METTL15: variants seen among roughly 807,000 people sequenced by gnomAD.
The protein encoded by METTL15 is 12S rRNA N(4)-cytidine methyltransferase METTL15.
A neutral mutation model predicts 38.3 loss-of-function variants in METTL15; 34 were observed. The ratio of observed to expected loss-of-function variants is 0.89; its 90% CI spans 0.68 to 1.18. METTL15 has a LOEUF of 1.18. Among genes scored for constraint, METTL15 ranks in the 50% most tolerant of loss-of-function variants. The probability of loss-of-function intolerance (pLI) is 0.00; values close to 1 mark genes in which losing one functional copy is unlikely to be tolerated. For missense variants in METTL15, 438 were observed against 498.4 expected, an observed-to-expected ratio of 0.88 and a Z score of 1.15; for synonymous variants, 162 against 170.9, an observed-to-expected ratio of 0.95 and a Z score of 0.41.
chr11:28,391,491 G>A lies in METTL15; in HGVS notation c.*358+29455G>A, dbSNP rs1405709688. Among the ~76,000 whole-genome samples, 5 of 152,088 alleles carry A rather than the reference G, an allele frequency of 3.3e-5. No individual in the cohort carries two copies. In the East Asian group the frequency reaches 5.8e-4, roughly 18 times the overall value. On this transcript the variant is annotated intron_variant and NMD_transcript_variant, in intron 5 of 7. Transcript: ENST00000532947. Reference sequence around the variant, plus strand: ...TTTCTGCATCTATTGAGATAATCATGAGCCTACATTGCCAAGTCAATCCTA... The same window carrying A: ...TTTCTGCATCTATTGAGATAATCATAAGCCTACATTGCCAAGTCAATCCTA...
chr11:28,421,076 G>A (rs117751245), intron 5 of METTL15, among the ~76,000 whole-genome samples: 81 of 152,012 alleles, frequency 5.3e-4, no homozygotes, highest in Non-Finnish European at 9.7e-4. Context: ...GAGACTACTT[G>A]AGCAACTATA....
intron 5 of METTL15, among the ~76,000 whole-genome samples, chr11:28,295,153 G>T (rs1397252975): frequency 6.6e-6 from 1 of 152,052 alleles, no homozygotes; most frequent in African/African-American, 2.4e-5. Context: ...AAAGGACAGT[G>T]GCATGCATTG....
chr11:28,305,933 C>A (rs987398857), intron 6 of METTL15, among the ~76,000 whole-genome samples: 5 of 151,920 alleles, frequency 3.3e-5, no homozygotes, highest in African/African-American at 1.2e-4. Context: ...GATGAATGAA[C>A]AAATAAATGA....
chr11:28,474,879 G>A (rs1380156372), intron 6 of METTL15, among the ~76,000 whole-genome samples: 3 of 152,120 alleles, frequency 2.0e-5, no homozygotes, highest in Non-Finnish European at 4.4e-5. Flanking sequence ...GTGGTACTTG[G>A]TCATTGAACC....
At chr11:28,181,536 C>T (rs1435994696) in intron 3 of METTL15, among the ~76,000 whole-genome samples, 2 of 151,934 alleles carry the variant, frequency 1.3e-5, no homozygotes, top group Non-Finnish European at 2.9e-5. Flanking sequence ...TGTTAGTTTG[C>T]TGAGAATGAT....
intron 6 of METTL15, among the ~76,000 whole-genome samples, chr11:28,486,517 T>C (rs757828054): frequency 6.6e-6 from 1 of 152,138 alleles, no homozygotes; most frequent in Non-Finnish European, 1.5e-5. Flanking sequence ...TCTGTGCCAA[T>C]GAGACTGAGC....
Position 28,330,827 on chromosome 11 carries a change from G to A in METTL15, c.1210G>A (p.Ala404Thr), listed in dbSNP as rs1433574195. 2.0e-6 allele frequency: 3 copies of A among 1,534,502 alleles called. No homozygotes were observed. In the South Asian group the frequency reaches 3.7e-5, roughly 19 times the overall value. Residue 404 changes from alanine to threonine, a missense_variant, in exon 7 of 7, where the codon GCT becomes ACT. Coordinates refer to ENST00000407364, the MANE Select transcript of METTL15 (RefSeq NM_001113528.2). ...AGGGCGCTCAGCCAAGCTTAGAGCA[G>A]CTATCAAATTATAAGTTATCATCAT... ...PRGRSAKLRA[A>T]IKL
chr11:28,213,978 C>A (rs1225134385), intron 4 of METTL15, among the ~76,000 whole-genome samples: 3 of 152,030 alleles, frequency 2.0e-5, no homozygotes, highest in African/African-American at 4.8e-5. Flanking sequence ...TTACACTAAT[C>A]CTGACCATGG....
chr11:28,228,696 T>G (rs1190025016), intron 4 of METTL15, among the ~76,000 whole-genome samples: 1 of 151,976 alleles, frequency 6.6e-6, no homozygotes, highest in Non-Finnish European at 1.5e-5. Flanking sequence ...AAAACCACCA[T>G]GCTATTTGAC....
At position 28,395,776 on chromosome 11, in the gene METTL15, G is replaced by T. The variant is rs567909050; in HGVS notation, c.*359-28523G>T. Among the ~76,000 whole-genome samples, 504 of 152,044 alleles carry T rather than the reference G, an allele frequency of 3.3e-3. 1 individual carries two copies. The highest frequency in any genetic ancestry group is 4.8e-3 in the Non-Finnish European group (326 of 67,968). ...CCAGCATCATCCTGATACCAAAGCC[G>T]GGCAGAGACACAACAAAAAAAGAGA... is the stretch of plus-strand genomic sequence containing the variant. On this transcript the variant is annotated intron_variant and NMD_transcript_variant, in intron 5 of 7. Coordinates refer to the METTL15 transcript ENST00000532947.
chr11:28,465,357 T>C (rs1044290593), intron 6 of METTL15, among the ~76,000 whole-genome samples: 4 of 152,192 alleles, frequency 2.6e-5, no homozygotes, highest in African/African-American at 7.2e-5. Flanking sequence ...TCTCCTTTTA[T>C]TTTGTACATT....
At chr11:28,513,774 C>T (rs1359981096) in intron 6 of METTL15, among the ~76,000 whole-genome samples, 6 of 152,262 alleles carry the variant, frequency 3.9e-5, no homozygotes, top group Non-Finnish European at 8.8e-5. Flanking sequence ...GCAGTAGGAA[C>T]ATGCCCTTAA....
At chr11:28,445,796 CAT>C (rs1293534493) in intron 6 of METTL15, among the ~76,000 whole-genome samples, 7 of 151,836 alleles carry the variant, frequency 4.6e-5, no homozygotes, top group African/African-American at 1.7e-4. Flanking sequence ...GAACTACTGA[CAT>C]GTGCCACCAT....
intron 3 of METTL15, among the ~76,000 whole-genome samples, chr11:28,131,501 A>ATGTTT (rs1849335422): frequency 8.5e-6 from 1 of 117,558 alleles, no homozygotes; most frequent in African/African-American, 3.3e-5. Context: ...ACTTCCAAGC[A>ATGTTT]TTTTTTTTTT....
rs942725382 is a variant in METTL15 at position 28,247,513 on chromosome 11, A to G, written c.407+36315A>G. ...TTTATGCCTTTCACTGGTTTATGAA[A>G]TGAATTCATACTTTAATGTCATAAA... is the stretch of plus-strand genomic sequence containing the variant. On this transcript the variant is annotated intron_variant, in intron 4 of 6. Transcript: ENST00000407364. Among the ~76,000 whole-genome samples, 3 of 152,232 alleles carry G rather than the reference A, an allele frequency of 2.0e-5. No individual in the cohort carries two copies. The East Asian group carries it at 5.8e-4, about 29-fold the overall frequency.
chr11:28,284,460 T>C (rs962889284), intron 4 of METTL15, among the ~76,000 whole-genome samples: 3 of 152,190 alleles, frequency 2.0e-5, no homozygotes, highest in East Asian at 1.9e-4. Context: ...CGATTTGTTA[T>C]AGGCTTTTGC....
At chr11:28,427,746 G>T (rs564589115) in intron 6 of METTL15, among the ~76,000 whole-genome samples, 1 of 152,192 alleles carries the variant, frequency 6.6e-6, no homozygotes, top group Non-Finnish European at 1.5e-5. Context: ...CCTGTTGTTG[G>T]TGTATAGGAA....
At chr11:28,438,613 C>G (rs1851004007) in intron 6 of METTL15, among the ~76,000 whole-genome samples, 1 of 151,980 alleles carries the variant, frequency 6.6e-6, no homozygotes, top group Non-Finnish European at 1.5e-5. Flanking sequence ...CCACCCCACT[C>G]CCAAGATTCT....
At chr11:28,253,184 A>C (rs1419184745) in intron 4 of METTL15, among the ~76,000 whole-genome samples, 1 of 152,166 alleles carries the variant, frequency 6.6e-6, no homozygotes, top group Non-Finnish European at 1.5e-5. Flanking sequence ...TAGCTACTTG[A>C]AATTGCTACT....
Sources: allele counts gnomAD v4.1 joint callset (sites outside exome capture counted in the v4.1 genomes callset), GRCh38; gene constraint gnomAD v4.1.1; transcripts MANE v1.5; gene names NCBI Gene and HGNC (gene_info 2026-07-23, HGNC 2026-07-21).